The following RFX3 variants were observed in gnomAD, a reference collection of about 807,000 sequenced individuals.
The protein encoded by RFX3 is regulatory factor X3, also known as transcription factor RFX3.
Under a neutral mutation model 98.6 loss-of-function variants are expected in RFX3, and 14 were observed. The observed-to-expected ratio is 0.14, with a 90% CI of 0.09 to 0.22. The LOEUF (loss-of-function observed/expected upper bound fraction) is 0.22. RFX3 is among the 10% of genes least tolerant of loss of function. The pLI is 1.00. For synonymous variants in RFX3, 383 were observed against 328.4 expected (o/e 1.17, Z -1.80); for missense variants, 639 against 926.9 (o/e 0.69, Z 4.03).
intron 12 of RFX3, among the ~76,000 whole-genome samples, chr9:3,263,686 C>T (rs938950753): frequency 1.1e-4 from 17 of 152,256 alleles, no homozygotes; most frequent in South Asian, 2.1e-4. Flanking sequence ...TTTAAAAGGG[C>T]TATGCGGGAA....
At chr9:3,515,472 C>T (rs7038614) in intron 1 of RFX3, among the ~76,000 whole-genome samples, 11 of 152,060 alleles carry the variant, frequency 7.2e-5, no homozygotes, top group East Asian at 3.9e-4. Flanking sequence ...CACCTCCCTA[C>T]GCCCCGTAAG....
intron 1 of RFX3, among the ~76,000 whole-genome samples, chr9:3,438,286 T>C (rs996042689): frequency 6.6e-6 from 1 of 152,126 alleles, no homozygotes; most frequent in Non-Finnish European, 1.5e-5. Context: ...AAATGACCTG[T>C]ACAAATCCTC....
rs1838989427 is a variant in RFX3, at chr9:3,379,893, T to C, written c.117+15579A>G. 4.3e-5 allele frequency among the ~76,000 whole-genome samples: 5 copies of C among 116,438 alleles called. No homozygotes were observed. The East Asian group carries it at 1.1e-3, about 27-fold the overall frequency. 76.4% of individuals were successfully genotyped at this position (116,438 alleles called of 152,430 possible). On this transcript the variant is annotated intron_variant, in intron 2 of 16. Transcript: ENST00000617270. ...AACTTATGGGCAATTTATTTATTTA[T>C]TTATTTATTTATTTATTTATTTATT... is the stretch of plus-strand genomic sequence containing the variant.
chr9:3,342,153 A>G (rs761007470), intron 3 of RFX3, among the ~76,000 whole-genome samples: 2 of 152,216 alleles, frequency 1.3e-5, no homozygotes, highest in Non-Finnish European at 1.5e-5. Flanking sequence ...AAATTATTCA[A>G]TGTCAATATA....
Position 3,463,416 on chromosome 9 carries a change from A to G in RFX3, c.-9+62331T>C, listed in dbSNP as rs192733256. Among the ~76,000 whole-genome samples the G allele has an allele frequency of 5.5e-4, 84 of 152,298 alleles. 1 individual carries two copies. Among genetic ancestry groups the G allele is most frequent in the African/African-American group, 1.8e-3 (76 of 41,566 alleles). ...AGATTATAAGCTACTAGAAGAACAT[A>G]CAAGGCAATCTAAATGATATTCGTT... On this transcript the variant is annotated intron_variant, in intron 1 of 16. Transcript: ENST00000617270.
In RFX3 at chr9:3,518,745, G is replaced by A. The variant is rs189532926; in HGVS notation, c.-9+7002C>T. ...CATCTTTAATATCTAATGAAAGGAA[G>A]CCACAGGTGATATATTTCCTCTATG... On this transcript the variant is annotated intron_variant, in intron 1 of 16. Transcript: ENST00000617270. Among the ~76,000 whole-genome samples the A allele has an allele frequency of 1.8e-3, 273 of 152,184 alleles. 3 individuals carry two copies. The highest frequency in any genetic ancestry group is 5.7e-3 in the African/African-American group (238 of 41,508).
At chr9:3,290,801 A>G (rs572683528) in intron 6 of RFX3, among the ~76,000 whole-genome samples, 1 of 152,326 alleles carries the variant, frequency 6.6e-6, no homozygotes, top group Admixed American at 6.5e-5. Context: ...CAGGCCTTGT[A>G]AATCTCATAA....
chr9:3,381,839 G>A lies in RFX3; in HGVS notation c.117+13633C>T, dbSNP rs545885766. The stretch of plus-strand genomic sequence containing the variant: ...AAATCATGCCCTTGGTTAGCTAAGC[G>A]GATTTACAAGAAACAGCTTGGCCAA... On this transcript the variant is annotated intron_variant, in intron 2 of 16. Transcript: ENST00000617270. Among the ~76,000 whole-genome samples the A allele has an allele frequency of 1.2e-4, 18 of 152,176 alleles. No homozygotes were observed. The South Asian group carries it at 2.7e-3, about 23-fold the overall frequency.
At chr9:3,254,065 A>G (rs1341856037) in intron 14 of RFX3, among the ~76,000 whole-genome samples, 1 of 152,148 alleles carries the variant, frequency 6.6e-6, no homozygotes, top group African/African-American at 2.4e-5. Context: ...AATAATAACT[A>G]TAATAGTATC....
intron 1 of RFX3, among the ~76,000 whole-genome samples, chr9:3,473,098 C>T (rs150248840): frequency 1.3e-5 from 2 of 152,268 alleles, no homozygotes; most frequent in African/African-American, 4.8e-5. Flanking sequence ...GAGTCTGGAT[C>T]GACTTATATA....
At chr9:3,461,745 A>G (rs542787169) in intron 1 of RFX3, among the ~76,000 whole-genome samples, 1 of 152,094 alleles carries the variant, frequency 6.6e-6, no homozygotes, top group South Asian at 2.1e-4. Flanking sequence ...ATATTTTCAT[A>G]TGTCATATCT....
At position 3,224,315 on chromosome 9, in the gene RFX3, A is replaced by T. The variant is rs1466527449; in HGVS notation, c.*727T>A. ...GGAATTGGTATGCAAATAATAGTTA[A>T]AATTCAATGTTTAACGGAAGCTTGC... is the stretch of plus-strand genomic sequence containing the variant. On this transcript the variant is annotated 3_prime_UTR_variant, in exon 17 of 17. Coordinates refer to ENST00000617270, the MANE Select transcript of RFX3 (RefSeq NM_001282116.2). The T allele has an allele frequency of 6.6e-6, 1 of 152,226 alleles. No homozygotes were observed. Among genetic ancestry groups the T allele is most frequent in the Non-Finnish European group, 1.5e-5 (1 of 68,038 alleles). 9.4% of individuals were successfully genotyped at this position (152,226 alleles called of 1,614,324 possible).
intron 1 of RFX3, among the ~76,000 whole-genome samples, chr9:3,479,080 G>A (rs1455635319): frequency 6.6e-6 from 1 of 152,182 alleles, no homozygotes; most frequent in Non-Finnish European, 1.5e-5. Context: ...CTGCAATACT[G>A]CCAGCTTTTA....
In RFX3 at chr9:3,376,936, A is replaced by G. The variant is rs537489423; in HGVS notation, c.117+18536T>C. Among the ~76,000 whole-genome samples the G allele has an allele frequency of 3.2e-3, 492 of 152,312 alleles. 4 individuals are homozygous for G. Among genetic ancestry groups the G allele is most frequent in the African/African-American group, 0.011 (466 of 41,558 alleles). On this transcript the variant is annotated intron_variant, in intron 2 of 16. Coordinates refer to ENST00000617270, the MANE Select transcript of RFX3 (RefSeq NM_001282116.2). ...TTAGAATGGCGATCATTAAAAAGTC[A>G]GGAAACAACAGGTGCTGGAGAGGAT... is the stretch of plus-strand genomic sequence containing the variant.
intron 1 of RFX3, among the ~76,000 whole-genome samples, chr9:3,415,180 T>A (rs1842879625): frequency 7.1e-6 from 1 of 140,366 alleles, no homozygotes; most frequent in Non-Finnish European, 1.5e-5. Context: ...CTTATATATA[T>A]ATACACATAC....
intron 1 of RFX3, among the ~76,000 whole-genome samples, chr9:3,433,102 T>C (rs1398357839): frequency 6.6e-6 from 1 of 152,132 alleles, no homozygotes; most frequent in Non-Finnish European, 1.5e-5. Context: ...CCCATACATG[T>C]GGGTTGTGTA....
At chr9:3,306,810 T>C (rs900419877) in intron 4 of RFX3, among the ~76,000 whole-genome samples, 1 of 151,970 alleles carries the variant, frequency 6.6e-6, no homozygotes, top group Admixed American at 6.6e-5. Flanking sequence ...AAGGGCAGGT[T>C]AGTGAACATT....
chr9:3,453,236 C>G (rs897761426), intron 1 of RFX3, among the ~76,000 whole-genome samples: 1 of 152,008 alleles, frequency 6.6e-6, no homozygotes, highest in African/African-American at 2.4e-5. Flanking sequence ...GATCCAGAAG[C>G]AACTCCCAAG....
At position 3,514,024 on chromosome 9, in the gene RFX3, C is replaced by A. The variant is rs181079862; in HGVS notation, c.-9+11723G>T. On this transcript the variant is annotated intron_variant, in intron 1 of 16. Coordinates refer to ENST00000617270, the MANE Select transcript of RFX3 (RefSeq NM_001282116.2). ...AACCTCCTATAATTGGAATGAATTA[C>A]AATTTTTGTCTTTAACTACAATTTA... Among the ~76,000 whole-genome samples, 233 of 152,316 alleles carry A rather than the reference C, an allele frequency of 1.5e-3. 1 individual carries two copies. Among genetic ancestry groups the A allele is most frequent in the Non-Finnish European group, 2.8e-3 (189 of 68,012 alleles).
Sources: allele counts gnomAD v4.1 joint callset (sites outside exome capture counted in the v4.1 genomes callset), GRCh38; gene constraint gnomAD v4.1.1; transcripts MANE v1.5; gene names NCBI Gene and HGNC (gene_info 2026-07-23, HGNC 2026-07-21).